Variants in LOC128125822 observed in about 807,000 individuals in gnomAD.
the LOC128125822 span, chr6:63,578,797 A>G: frequency 8.1e-7 from 1 of 1,235,546 alleles, no homozygotes; most frequent in South Asian, 1.8e-5. Context: ...AAACATTAAA[A>G]TGAGAATGCT....
At chr6:63,579,362 T>C in the LOC128125822 span, 1 of 1,502,798 alleles carries the variant, frequency 6.7e-7, no homozygotes, top group Non-Finnish European at 9.1e-7. Flanking sequence ...TCATTTGTAC[T>C]CTCTTTCATT....
the LOC128125822 span, among the ~76,000 whole-genome samples, chr6:63,575,264 C>T: frequency 6.6e-6 from 1 of 152,170 alleles, no homozygotes; most frequent in Admixed American, 6.5e-5. Flanking sequence ...AATGAGAGTA[C>T]ACATGAAGTG....
the LOC128125822 span, among the ~76,000 whole-genome samples, chr6:63,574,819 GA>G: frequency 6.6e-6 from 1 of 152,160 alleles, no homozygotes; most frequent in Non-Finnish European, 1.5e-5. Flanking sequence ...AATTTGGGGT[GA>G]AAGTATAATG....
At chr6:63,576,170 G>T in the LOC128125822 span, among the ~76,000 whole-genome samples, 1 of 150,990 alleles carries the variant, frequency 6.6e-6, no homozygotes, top group East Asian at 1.9e-4. Flanking sequence ...TCACAAAAAT[G>T]TAACAATGGG....
chr6:63,580,631 A>G, the LOC128125822 span: 1 of 153,936 alleles, frequency 6.5e-6, no homozygotes, highest in South Asian at 2.0e-4. Context: ...ATCATTTCAA[A>G]CATTGAAAGT....
At chr6:63,572,555 TGGTAGAGTCTGGTGCCCCC>T in the LOC128125822 span, 1 of 406,354 alleles carries the variant, frequency 2.5e-6, no homozygotes, top group Non-Finnish European at 4.3e-6. Context: ...GCTCACTGCA[TGGTAGAGTCTGGTGCCCCC>T]GCCGCCGCCT....
chr6:63,574,601 A>T, the LOC128125822 span, among the ~76,000 whole-genome samples: 3 of 152,242 alleles, frequency 2.0e-5, no homozygotes, highest in Non-Finnish European at 4.4e-5. Context: ...GGATATGGCC[A>T]GACTAGGTTG....
chr6:63,578,679 T>C, the LOC128125822 span: 10 of 1,288,162 alleles, frequency 7.8e-6, no homozygotes, highest in Non-Finnish European at 8.2e-6. Flanking sequence ...TCTTAATTTC[T>C]AAATAAAGGT....
the LOC128125822 span, among the ~76,000 whole-genome samples, chr6:63,574,434 G>A: frequency 1.3e-5 from 2 of 152,118 alleles, no homozygotes; most frequent in South Asian, 4.1e-4. Flanking sequence ...GAGTGTCTTG[G>A]GCGGAACAGA....
the LOC128125822 span, chr6:63,582,819 C>G: frequency 6.6e-6 from 1 of 152,322 alleles, no homozygotes; most frequent in East Asian, 1.9e-4. Context: ...CTAGTGCCCT[C>G]TTTTCCCTAG....
the LOC128125822 span, among the ~76,000 whole-genome samples, chr6:63,577,265 G>C: frequency 6.6e-6 from 1 of 152,102 alleles, no homozygotes; most frequent in Non-Finnish European, 1.5e-5. Flanking sequence ...AAATTTACAT[G>C]GGAAAGGTTG....
At chr6:63,572,687 A>C in the LOC128125822 span, 1 of 404,978 alleles carries the variant, frequency 2.5e-6, no homozygotes, top group East Asian at 3.5e-5. Flanking sequence ...CTGTATGATT[A>C]GGCCACAATC....
chr6:63,578,958 C>T, the LOC128125822 span: 1 of 1,607,458 alleles, frequency 6.2e-7, no homozygotes, highest in Non-Finnish European at 8.5e-7. Flanking sequence ...CTGGTTAAGT[C>T]TTGTGAAAAT....
At chr6:63,572,882 G>A in the LOC128125822 span, among the ~76,000 whole-genome samples, 12 of 152,148 alleles carry the variant, frequency 7.9e-5, no homozygotes, top group African/African-American at 2.9e-4. Context: ...CCCTGTGGCC[G>A]GCCGATTGCG....
At chr6:63,583,273 C>T in the LOC128125822 span, 5 of 152,234 alleles carry the variant, frequency 3.3e-5, no homozygotes, top group East Asian at 9.6e-4. Flanking sequence ...GTAGTGTCTG[C>T]CATACATGTT....
At chr6:63,572,643 G>A in the LOC128125822 span, 2 of 415,972 alleles carry the variant, frequency 4.8e-6, no homozygotes, top group African/African-American at 2.0e-5. Flanking sequence ...TGCAGCCACC[G>A]CCACCGCCTG....
chr6:63,582,491 T>G, the LOC128125822 span: 2 of 152,650 alleles, frequency 1.3e-5, no homozygotes, highest in Admixed American at 1.3e-4. Flanking sequence ...CTTGTAAATA[T>G]GGCTAATTAT....
the LOC128125822 span, chr6:63,583,054 A>G: frequency 6.6e-6 from 1 of 152,184 alleles, no homozygotes; most frequent in Non-Finnish European, 1.5e-5. Flanking sequence ...TATGGCAAAG[A>G]ACATAAAAGA....
At chr6:63,575,685 T>A in the LOC128125822 span, among the ~76,000 whole-genome samples, 1 of 152,192 alleles carries the variant, frequency 6.6e-6, no homozygotes. Flanking sequence ...AAATTATGAA[T>A]ATTTTCTTTA....
Sources: gnomAD v4.1 joint callset for allele counts (sites outside exome capture counted in the v4.1 genomes callset) on GRCh38, gnomAD v4.1.1 for gene constraint, MANE v1.5 for transcripts.